Variants in BICD1 observed in about 807,000 individuals in gnomAD.
BICD1 encodes BICD cargo adaptor 1.
BICD1 carries 35 observed loss-of-function variants against 92.5 expected under a neutral mutation model. The observed-to-expected ratio is 0.38, with a 90% confidence interval of 0.29 to 0.50. BICD1 has a LOEUF of 0.50. BICD1 is among the 20% of genes least tolerant of loss of function. BICD1 has a pLI of 0.93. For missense variants in BICD1, 950 were observed against 1,189.8 expected (o/e 0.80, Z 2.97); for synonymous variants, 429 against 465.1 (o/e 0.92, Z 1.00).
At chr12:32,308,548 A>T (rs972280717) in intron 4 of BICD1, among the ~76,000 whole-genome samples, 8 of 152,126 alleles carry the variant, frequency 5.3e-5, no homozygotes, top group Non-Finnish European at 7.3e-5. Context: ...TTGGTCCTTT[A>T]ATTTATTAGG....
chr12:32,342,128 A>ATATATATATGTGTG (rs1555170775), intron 8 of BICD1, among the ~76,000 whole-genome samples: 44,598 of 102,254 alleles, frequency 0.44, 9,486 homozygotes, highest in African/African-American at 0.62. Flanking sequence ...ATATATATGT[A>ATATATATATGTGTG]TATATATATG....
chr12:32,233,133 C>A (rs926212582), intron 2 of BICD1, among the ~76,000 whole-genome samples: 29 of 152,072 alleles, frequency 1.9e-4, no homozygotes, highest in African/African-American at 7.0e-4. Context: ...ACCAGCCTGG[C>A]CAATATGGTG....
At chr12:32,271,094 A>AGGGAGCCAGACTT (rs1418616809) in intron 2 of BICD1, among the ~76,000 whole-genome samples, 1 of 152,208 alleles carries the variant, frequency 6.6e-6, no homozygotes, top group African/African-American at 2.4e-5. Flanking sequence ...GGCTGGGGGA[A>AGGGAGCCAGACTT]GGGAGCCAGA....
At chr12:32,174,926 T>C (rs539172584) in intron 1 of BICD1, among the ~76,000 whole-genome samples, 42 of 152,358 alleles carry the variant, frequency 2.8e-4, no homozygotes, top group Non-Finnish European at 5.3e-4. Context: ...TTTAGTATTT[T>C]AAATATGCGT....
At chr12:32,159,101 T>G (rs553745478) in intron 1 of BICD1, among the ~76,000 whole-genome samples, 1 of 152,160 alleles carries the variant, frequency 6.6e-6, no homozygotes, top group African/African-American at 2.4e-5. Context: ...GCCCAGCTAA[T>G]TTTTGTATTT....
chr12:32,144,305 AG>A (rs1943040236), intron 1 of BICD1, among the ~76,000 whole-genome samples: 1 of 152,210 alleles, frequency 6.6e-6, no homozygotes. Context: ...GCATATATAG[AG>A]GCTTGAGTTC....
chr12:32,230,427 TAAATAAATAAATAAATAAGCAAGC>T (rs1565603904), intron 2 of BICD1, among the ~76,000 whole-genome samples: 3 of 74,464 alleles, frequency 4.0e-5, no homozygotes, highest in Non-Finnish European at 7.7e-5. Flanking sequence ...AATAAATAAA[TAAATAAATAAATAAATAAGCAAGC>T]AAATAAATAA....
chr12:32,325,027 T>A (rs923311230), intron 4 of BICD1, among the ~76,000 whole-genome samples: 6 of 152,172 alleles, frequency 3.9e-5, no homozygotes, highest in African/African-American at 1.4e-4. Flanking sequence ...TTTTGGGGAT[T>A]TTTTTAGAGG....
At chr12:32,182,278 C>CTTTTTTTCTTTTTT (rs1944295097) in intron 1 of BICD1, among the ~76,000 whole-genome samples, 2 of 81,422 alleles carry the variant, frequency 2.5e-5, no homozygotes, top group Non-Finnish European at 4.7e-5. Flanking sequence ...TTCTTTCTTT[C>CTTTTTTTCTTTTTT]TTTTTTTTTT....
At chr12:32,312,924 C>T (rs1948416718) in intron 4 of BICD1, among the ~76,000 whole-genome samples, 1 of 152,066 alleles carries the variant, frequency 6.6e-6, no homozygotes, top group Non-Finnish European at 1.5e-5. Context: ...TGACATTTTC[C>T]AGTGGCAGTC....
intron 2 of BICD1, among the ~76,000 whole-genome samples, chr12:32,275,979 G>A (rs1418982721): frequency 6.6e-6 from 1 of 151,952 alleles, no homozygotes; most frequent in African/African-American, 2.4e-5. Flanking sequence ...CCACCATCTT[G>A]GAAGCCGCCC....
chr12:32,305,067 T>C (rs538475544), intron 3 of BICD1, among the ~76,000 whole-genome samples: 3 of 152,304 alleles, frequency 2.0e-5, no homozygotes, highest in East Asian at 3.9e-4. Context: ...AATGTAGGTA[T>C]TTTTTGTTAC....
chr12:32,249,677 T>C (rs992810969), intron 2 of BICD1, among the ~76,000 whole-genome samples: 1 of 147,362 alleles, frequency 6.8e-6, no homozygotes, highest in Admixed American at 6.8e-5. Context: ...GAGTTTTCTT[T>C]TCTCTCTCTC....
chr12:32,163,868 G>A (rs980869902), intron 1 of BICD1, among the ~76,000 whole-genome samples: 2 of 152,124 alleles, frequency 1.3e-5, no homozygotes, highest in African/African-American at 4.8e-5. Flanking sequence ...AGACCCCTGC[G>A]TTATCATTTC....
intron 1 of BICD1, among the ~76,000 whole-genome samples, chr12:32,214,130 A>C (rs527940268): frequency 1.2e-4 from 19 of 152,324 alleles, no homozygotes; most frequent in African/African-American, 4.3e-4. Flanking sequence ...AAGCCCCTTC[A>C]GACAGGCTCC....
At chr12:32,114,807 A>G (rs1034334926) in intron 1 of BICD1, among the ~76,000 whole-genome samples, 3 of 152,250 alleles carry the variant, frequency 2.0e-5, no homozygotes, top group African/African-American at 7.2e-5. Flanking sequence ...GAAAAATGAA[A>G]ACAAATAAAC....
At chr12:32,249,280 C>T (rs1946468216) in intron 2 of BICD1, among the ~76,000 whole-genome samples, 1 of 152,144 alleles carries the variant, frequency 6.6e-6, no homozygotes. Context: ...TGAGGCTGGG[C>T]CTTAAATCAC....
intron 1 of BICD1, among the ~76,000 whole-genome samples, chr12:32,142,405 TAAAA>T (rs1162662533): frequency 0.014 from 865 of 63,424 alleles, 7 homozygotes; most frequent in South Asian, 0.03. Context: ...AGACTCTGTC[TAAAA>T]AAAAAAAAAA....
At chr12:32,211,823 C>T (rs903410054) in intron 1 of BICD1, among the ~76,000 whole-genome samples, 1 of 152,140 alleles carries the variant, frequency 6.6e-6, no homozygotes, top group Non-Finnish European at 1.5e-5. Context: ...GTTGAAGACT[C>T]AGCAGGCCAC....
Sources: gnomAD v4.1 joint callset for allele counts (sites outside exome capture counted in the v4.1 genomes callset) on GRCh38, gnomAD v4.1.1 for gene constraint, MANE v1.5 for transcripts, NCBI Gene and HGNC (gene_info 2026-07-23, HGNC 2026-07-21) for gene names.